The following IL15 variants were observed in gnomAD, a reference collection of about 807,000 sequenced individuals.
The protein encoded by IL15 is interleukin-15.
Under a neutral mutation model 19.6 loss-of-function variants are expected in IL15, and 11 were observed. The ratio of observed to expected loss-of-function variants is 0.56; its 90% CI spans 0.35 to 0.93. IL15 has a LOEUF of 0.93. Among genes scored for constraint, IL15 ranks in the 40% least tolerant of loss-of-function variants. IL15 has a pLI of 0.01. For missense variants in IL15, 197 were observed against 186.5 expected (o/e 1.06, Z -0.33); for synonymous variants, 58 against 59.6 (o/e 0.97, Z 0.12).
At chr4:141,730,263 A>G (rs746788581) in intron 7 of IL15, among the ~76,000 whole-genome samples, 4 of 152,162 alleles carry the variant, frequency 2.6e-5, no homozygotes, top group Non-Finnish European at 5.9e-5. Context: ...ACTGACCTCA[A>G]GGTGTTTATT....
At chr4:141,676,459 A>G (rs1033009793) in intron 2 of IL15, among the ~76,000 whole-genome samples, 2 of 152,216 alleles carry the variant, frequency 1.3e-5, no homozygotes, top group African/African-American at 4.8e-5. Flanking sequence ...TAAGTTGTCT[A>G]CTTGATCCCA....
chr4:141,700,520 G>C (rs1440312873), intron 2 of IL15, among the ~76,000 whole-genome samples: 1 of 152,134 alleles, frequency 6.6e-6, no homozygotes. Context: ...TGACTTTATA[G>C]GTTGCCTGAT....
intron 2 of IL15, among the ~76,000 whole-genome samples, chr4:141,670,669 CTTTA>C (rs1164266415): frequency 6.6e-6 from 1 of 152,114 alleles, no homozygotes; most frequent in Non-Finnish European, 1.5e-5. Context: ...TATTTTACTT[CTTTA>C]TTTAAGATGA....
chr4:141,730,722 G>A (rs370588793), intron 7 of IL15, among the ~76,000 whole-genome samples: 199 of 152,274 alleles, frequency 1.3e-3, no homozygotes, highest in African/African-American at 4.5e-3. Flanking sequence ...CTGTGCAATG[G>A]CCCTGAAGTG....
intron 1 of IL15, among the ~76,000 whole-genome samples, chr4:141,646,472 G>A (rs1358961083): frequency 1.3e-5 from 2 of 151,992 alleles, no homozygotes; most frequent in Non-Finnish European, 2.9e-5. Flanking sequence ...CTGCTTTGGG[G>A]TTTGTCTCAA....
At position 141,642,926 on chromosome 4, in the gene IL15, T is replaced by C. The variant is rs115201739; in HGVS notation, c.-222+6178T>C. 4.3e-3 allele frequency among the ~76,000 whole-genome samples: 652 copies of C among 152,324 alleles called. 5 individuals are homozygous for C. Among genetic ancestry groups the C allele is most frequent in the African/African-American group, 0.014 (583 of 41,566 alleles). ...CAGAGGGTTGGTCAGAGTCTATTTG[T>C]ATTGACTTCAGCATGAGTCAATCAT... On this transcript the variant is annotated intron_variant, in intron 1 of 7. Coordinates refer to ENST00000320650, the MANE Select transcript of IL15 (RefSeq NM_000585.5).
intron 1 of IL15, among the ~76,000 whole-genome samples, chr4:141,649,418 A>G (rs1276042800): frequency 6.6e-6 from 1 of 152,086 alleles, no homozygotes; most frequent in Non-Finnish European, 1.5e-5. Flanking sequence ...TGGTGCAGGG[A>G]CTACCAGTAG....
intron 2 of IL15, among the ~76,000 whole-genome samples, chr4:141,707,416 C>T (rs1012163597): frequency 6.6e-6 from 1 of 152,092 alleles, no homozygotes; most frequent in Non-Finnish European, 1.5e-5. Context: ...GGGTCTTCTA[C>T]TAGGATTTAT....
chr4:141,692,672 T>C (rs746556767), intron 2 of IL15, among the ~76,000 whole-genome samples: 1 of 152,140 alleles, frequency 6.6e-6, no homozygotes, highest in Non-Finnish European at 1.5e-5. Context: ...TAAAGTGACC[T>C]TTACTCCAGT....
chr4:141,672,558 C>A (rs907352015), intron 2 of IL15, among the ~76,000 whole-genome samples: 1 of 152,112 alleles, frequency 6.6e-6, no homozygotes, highest in Admixed American at 6.6e-5. Context: ...TAATTTATAT[C>A]CCACACTATC....
chr4:141,713,547 T>G (rs1729777219), intron 2 of IL15, among the ~76,000 whole-genome samples: 1 of 152,144 alleles, frequency 6.6e-6, no homozygotes, highest in African/African-American at 2.4e-5. Flanking sequence ...TGTTAACCAG[T>G]TGCTGCTTTA....
chr4:141,659,731 G>T (rs778803458), intron 2 of IL15, among the ~76,000 whole-genome samples: 35 of 152,188 alleles, frequency 2.3e-4, no homozygotes, highest in Non-Finnish European at 4.1e-4. Context: ...GGGGAATTTT[G>T]CTTAAATGAA....
rs939386840 is a variant in IL15, at chr4:141,656,167, G to C, written c.-221-19G>C. The C allele has an allele frequency of 2.5e-6, 1 of 397,992 alleles. No individual in the cohort carries two copies. Among genetic ancestry groups the C allele is most frequent in the Non-Finnish European group, 4.4e-6 (1 of 225,834 alleles). 24.7% of individuals were successfully genotyped at this position (397,992 alleles called of 1,614,324 possible). On this transcript the variant is annotated intron_variant, in intron 1 of 7. Transcript: ENST00000320650. ...TACATAATTATTAATCCTCTTATCC[G>C]TACCTTTGACTCTTACAGAATCCAT... is the stretch of plus-strand genomic sequence containing the variant.
intron 1 of IL15, among the ~76,000 whole-genome samples, chr4:141,653,853 C>T (rs1406525672): frequency 1.3e-5 from 2 of 152,154 alleles, no homozygotes; most frequent in Non-Finnish European, 2.9e-5. Flanking sequence ...CCATAGAACA[C>T]AAGTCTCATG....
chr4:141,713,645 T>C (rs907257308), intron 2 of IL15, among the ~76,000 whole-genome samples: 1 of 152,226 alleles, frequency 6.6e-6, no homozygotes, highest in Non-Finnish European at 1.5e-5. Flanking sequence ...AAACACACTA[T>C]ACTTGGTTGC....
In IL15 at chr4:141,733,615, A is replaced by T. The variant is rs1040476424; in HGVS notation, c.*767A>T. On this transcript the variant is annotated 3_prime_UTR_variant, in exon 8 of 8. Coordinates refer to ENST00000320650, the MANE Select transcript of IL15 (RefSeq NM_000585.5). ...CCAACACAAATTCATAAACTTTCAT[A>T]CATCTCGTTTTTAGCTCATCAGCTA... is the stretch of plus-strand genomic sequence containing the variant. 5.3e-5 allele frequency: 8 copies of T among 152,186 alleles called. No homozygotes were observed. The highest frequency in any genetic ancestry group is 1.9e-4 in the African/African-American group (8 of 41,428). 9.4% of individuals were successfully genotyped at this position (152,186 alleles called of 1,614,324 possible). A position where few individuals can be genotyped will look rare whatever the true frequency, so the allele number is the denominator to read the frequency against.
In IL15 at chr4:141,733,622, G is replaced by A. The variant is rs531144167; in HGVS notation, c.*774G>A. 5 of 152,192 alleles carry A rather than the reference G, an allele frequency of 3.3e-5. No individual in the cohort carries two copies. The highest frequency in any genetic ancestry group is 2.1e-4 in the South Asian group (1 of 4,822). 9.4% of individuals were successfully genotyped at this position (152,192 alleles called of 1,614,324 possible). A position where few individuals can be genotyped will look rare whatever the true frequency, so the allele number is the denominator to read the frequency against. ...AAATTCATAAACTTTCATACATCTC[G>A]TTTTTAGCTCATCAGCTATCATTAG... On this transcript the variant is annotated 3_prime_UTR_variant, in exon 8 of 8. Coordinates refer to ENST00000320650, the MANE Select transcript of IL15 (RefSeq NM_000585.5).
intron 2 of IL15, among the ~76,000 whole-genome samples, chr4:141,707,451 T>C (rs1729558576): frequency 6.6e-6 from 1 of 152,232 alleles, no homozygotes; most frequent in Non-Finnish European, 1.5e-5. Context: ...GGTATCATGT[T>C]TTCTTGCTTT....
intron 2 of IL15, among the ~76,000 whole-genome samples, chr4:141,695,702 A>T (rs1253170007): frequency 6.6e-6 from 1 of 152,102 alleles, no homozygotes; most frequent in East Asian, 1.9e-4. Flanking sequence ...CCAACAGTGC[A>T]TAAGTTGTGG....
Sources: allele counts gnomAD v4.1 joint callset (sites outside exome capture counted in the v4.1 genomes callset), GRCh38; gene constraint gnomAD v4.1.1; transcripts MANE v1.5; gene names NCBI Gene and HGNC (gene_info 2026-07-23, HGNC 2026-07-21).